WDR12: variants seen among roughly 807,000 people sequenced by gnomAD.
WDR12 encodes ribosome biogenesis protein WDR12.
A neutral mutation model predicts 64.3 loss-of-function variants in WDR12; 42 were observed. That is an observed-to-expected ratio of 0.65 (90% CI 0.51 to 0.84). WDR12 has a LOEUF of 0.84. Ranked by LOEUF, WDR12 falls within the 40% of genes least tolerant of loss-of-function variation. The probability of loss-of-function intolerance (pLI) is 0.00; values close to 1 mark genes in which losing one functional copy is unlikely to be tolerated. For synonymous variants in WDR12, 158 were observed against 173.3 expected, an observed-to-expected ratio of 0.91 and a Z score of 0.70; for missense variants, 469 against 494.6, an observed-to-expected ratio of 0.95 and a Z score of 0.49.
chr2:202,875,598 G>A lies in WDR12; in HGVS notation c.*5262C>T, dbSNP rs1458575089. ...AGACGGGGTTTCTCCATGTTGGTCA[G>A]GCTATTCTTGAACTCCCGACCTCAG... On this transcript the variant is annotated 3_prime_UTR_variant, in exon 13 of 13. Coordinates refer to ENST00000261015, the MANE Select transcript of WDR12 (RefSeq NM_018256.4). 1 of 152,074 alleles carries A rather than the reference G, an allele frequency of 6.6e-6. No homozygotes were observed. The highest frequency in any genetic ancestry group is 2.4e-5 in the African/African-American group (1 of 41,396). The allele number at this position is 152,074 out of a possible 1,614,324, so 9.4% of individuals were successfully genotyped here.
chr2:202,900,430 T>C (rs542903672), intron 3 of WDR12, among the ~76,000 whole-genome samples: 1 of 152,108 alleles, frequency 6.6e-6, no homozygotes, highest in African/African-American at 2.4e-5. Flanking sequence ...AAGGAAACAA[T>C]TCTGGAAAAT....
intron 8 of WDR12, among the ~76,000 whole-genome samples, chr2:202,886,689 C>A (rs1470776182): frequency 6.6e-6 from 1 of 150,782 alleles, no homozygotes; most frequent in Non-Finnish European, 1.5e-5. Flanking sequence ...ATCGCTTGAA[C>A]CCAGGAAGCA....
intron 12 of WDR12, 80 bp from the exon 13 acceptor site, chr2:202,881,017 C>A: frequency 8.1e-7 from 1 of 1,237,712 alleles, no homozygotes; most frequent in South Asian, 1.6e-5. Context: ...TAATTAAATA[C>A]TAATGATTTT....
At chr2:202,887,805 G>A (rs1028572912) in intron 8 of WDR12, among the ~76,000 whole-genome samples, 27 of 150,168 alleles carry the variant, frequency 1.8e-4, no homozygotes, top group African/African-American at 6.1e-4. Context: ...GGAGAATGGC[G>A]TGAACCCGGG....
In WDR12 at chr2:202,875,792, C is replaced by T. The variant is rs982431201; in HGVS notation, c.*5068G>A. On this transcript the variant is annotated 3_prime_UTR_variant, in exon 13 of 13. Coordinates refer to ENST00000261015, the MANE Select transcript of WDR12 (RefSeq NM_018256.4). ...CGACATAAGATTGACAAAATATATACCAGTTAAGAGCTTGTCCAAGATAAG... is the reference window on the plus strand; with the variant it reads ...CGACATAAGATTGACAAAATATATATCAGTTAAGAGCTTGTCCAAGATAAG... 2 of 152,178 alleles carry T rather than the reference C, an allele frequency of 1.3e-5. No individual in the cohort carries two copies. Among genetic ancestry groups the T allele is most frequent in the Non-Finnish European group, 2.9e-5 (2 of 68,036 alleles). The allele number at this position is 152,178 out of a possible 1,614,324, so 9.4% of individuals were successfully genotyped here.
intron 8 of WDR12, among the ~76,000 whole-genome samples, chr2:202,888,993 C>T (rs981678797): frequency 1.3e-5 from 2 of 152,140 alleles, no homozygotes; most frequent in Admixed American, 6.5e-5. Context: ...GCCACCTTCT[C>T]GGGCCCCAAA....
At chr2:202,908,713 TATC>T (rs1331937588) in intron 1 of WDR12, among the ~76,000 whole-genome samples, 1 of 152,216 alleles carries the variant, frequency 6.6e-6, no homozygotes, top group African/African-American at 2.4e-5. Context: ...AAATTAGAAG[TATC>T]ATCAGATTTT....
chr2:202,891,397 G>A lies in WDR12; in HGVS notation c.741+1220C>T, dbSNP rs553964574. 3.3e-5 allele frequency among the ~76,000 whole-genome samples: 5 copies of A among 152,236 alleles called. 1 individual carries two copies. The South Asian group carries it at 6.2e-4, about 19-fold the overall frequency. On this transcript the variant is annotated intron_variant, in intron 8 of 12. Transcript: ENST00000261015. Reference sequence around the variant, plus strand: ...ACTCCTGAGCTCAAGCAATCTGCCCGCCTTGGCCTCCCAAAGTGCTGGGAT... The same window carrying A: ...ACTCCTGAGCTCAAGCAATCTGCCCACCTTGGCCTCCCAAAGTGCTGGGAT...
At chr2:202,903,681 G>T (rs558926895) in intron 2 of WDR12, among the ~76,000 whole-genome samples, 1 of 152,196 alleles carries the variant, frequency 6.6e-6, no homozygotes, top group East Asian at 1.9e-4. Context: ...CAGTAAAGTT[G>T]CATGATACAA....
rs568026684 is a variant in WDR12 at position 202,883,681 on chromosome 2, C to G, written c.1049G>C (p.Trp350Ser). 6.2e-7 allele frequency: 1 copy of G among 1,613,998 alleles called. No individual in the cohort carries two copies. The highest frequency in any genetic ancestry group is 1.3e-5 in the African/African-American group (1 of 74,978). ...SHTGWVTSVKWSPTHEQQLIS... is the reference protein window; with the variant it reads ...SHTGWVTSVKSSPTHEQQLIS... ...CAGCTGCTGTTCATGGGTAGGAGAC[C>G]ATTTTACTGATGTCACCCAACCAGT... The change falls in exon 11 of 13, where the codon TGG (tryptophan) becomes TCG (serine). Residue 350 changes from tryptophan (W) to serine (S), a missense_variant. Transcript: ENST00000261015.
At chr2:202,888,197 C>T (rs770568051) in intron 8 of WDR12, among the ~76,000 whole-genome samples, 8 of 152,124 alleles carry the variant, frequency 5.3e-5, no homozygotes, top group Admixed American at 1.3e-4. Context: ...GAAAAGGGCC[C>T]GATACAAAAA....
In WDR12 at chr2:202,892,711, T is replaced by C. The variant is rs1490923006; in HGVS notation, c.656-9A>G. 5.6e-6 allele frequency: 9 copies of C among 1,593,730 alleles called. No homozygotes were observed. Among genetic ancestry groups the C allele is most frequent in the Admixed American group, 3.3e-5 (2 of 59,710 alleles). On this transcript the variant is annotated splice_polypyrimidine_tract_variant and intron_variant, in intron 7 of 12. Coordinates refer to ENST00000261015, the MANE Select transcript of WDR12 (RefSeq NM_018256.4). ...TTCTTCATCTGTAGGGACTGTGTCA[T>C]AGAGAATTAGATTTGACATTTTAAA...
chr2:202,904,515 T>G (rs1669762666), intron 2 of WDR12, among the ~76,000 whole-genome samples: 1 of 152,136 alleles, frequency 6.6e-6, no homozygotes, highest in Admixed American at 6.5e-5. Flanking sequence ...TGGAACAGAA[T>G]AGAGAAGCCA....
At position 202,884,301 on chromosome 2, in the gene WDR12, T is replaced by C. The variant is rs200954021; in HGVS notation, c.885A>G (p.Thr295=). The change falls in exon 10 of 13, where the codon ACA becomes ACG. Residue 295 remains threonine (T), a splice_region_variant and synonymous_variant. Transcript: ENST00000261015. The part of the protein sequence containing the change: ...VESGSLKSTL[T]GNKVFNCISY... ...AAATACAATTAAACACTTTATTTCC[T>C]GTCTGAAAAAGAAAAGGAAAGAACA... 1 of 1,613,928 alleles carries C rather than the reference T, an allele frequency of 6.2e-7. No homozygotes were observed. The highest frequency in any genetic ancestry group is 2.2e-5 in the East Asian group (1 of 44,882).
chr2:202,906,151 C>T (rs1217504045), intron 2 of WDR12, among the ~76,000 whole-genome samples: 6 of 152,118 alleles, frequency 3.9e-5, no homozygotes, highest in South Asian at 2.1e-4. Flanking sequence ...ACACCTACCA[C>T]GTACCTACAA....
At chr2:202,888,600 T>G (rs1470276734) in intron 8 of WDR12, among the ~76,000 whole-genome samples, 1 of 152,172 alleles carries the variant, frequency 6.6e-6, no homozygotes, top group African/African-American at 2.4e-5. Flanking sequence ...GTAAATGAAC[T>G]GGCAGCATTA....
At chr2:202,899,305 A>G (rs958035357) in intron 4 of WDR12, among the ~76,000 whole-genome samples, 1 of 152,054 alleles carries the variant, frequency 6.6e-6, no homozygotes, top group Non-Finnish European at 1.5e-5. Context: ...CGGCCTCCCA[A>G]AGTGCTGGGA....
At chr2:202,908,549 TAGG>T (rs924073024) in intron 1 of WDR12, among the ~76,000 whole-genome samples, 2 of 152,270 alleles carry the variant, frequency 1.3e-5, no homozygotes, top group Admixed American at 6.5e-5. Context: ...AAACAATAGC[TAGG>T]AGTTGTTAAA....
At chr2:202,887,626 C>T (rs989985281) in intron 8 of WDR12, among the ~76,000 whole-genome samples, 4 of 151,984 alleles carry the variant, frequency 2.6e-5, no homozygotes, top group Non-Finnish European at 5.9e-5. Context: ...CGGTGGCTCA[C>T]GCCTGTAATC....
Sources: gnomAD v4.1 joint callset for allele counts (sites outside exome capture counted in the v4.1 genomes callset) on GRCh38, gnomAD v4.1.1 for gene constraint, MANE v1.5 for transcripts, NCBI Gene and HGNC (gene_info 2026-07-23, HGNC 2026-07-21) for gene names.